Variants in ERC1 observed in about 807,000 individuals in gnomAD.
The protein encoded by ERC1 is RAB6 interacting protein 2.
In ERC1, 56 loss-of-function variants were observed where a neutral mutation model predicts 132.0. The observed-to-expected ratio is 0.42, with a 90% CI of 0.34 to 0.53. The LOEUF (loss-of-function observed/expected upper bound fraction) is 0.53. Ranked by LOEUF, ERC1 falls within the 20% of genes least tolerant of loss-of-function variation. The pLI is 0.03. For synonymous variants in ERC1, 478 were observed against 476.1 expected (o/e 1.00, Z -0.05); for missense variants, 1,202 against 1,349.9 (o/e 0.89, Z 1.72).
At chr12:1,143,576 G>A (rs1950059015) in intron 8 of ERC1, among the ~76,000 whole-genome samples, 1 of 148,606 alleles carries the variant, frequency 6.7e-6, no homozygotes, top group Non-Finnish European at 1.5e-5. Context: ...TTTTTCAGAA[G>A]TGCCCTAGCT....
intron 7 of ERC1, among the ~76,000 whole-genome samples, chr12:1,125,436 T>C (rs1011180308): frequency 5.3e-5 from 8 of 152,132 alleles, no homozygotes; most frequent in Non-Finnish European, 1.5e-5. Context: ...AGATACTCCA[T>C]GTCAATAGAT....
rs1426090976 is a variant in ERC1 at position 1,399,470 on chromosome 12, C to T, written c.2926-8679C>T. 3.3e-5 allele frequency among the ~76,000 whole-genome samples: 5 copies of T among 152,244 alleles called. No individual in the cohort carries two copies. The East Asian group carries it at 5.8e-4, about 18-fold the overall frequency. ...TTTTCTAGTATTATTTCAGTGTCAT[C>T]GCTTTTTATATATTAAATACATTTT... is the stretch of plus-strand genomic sequence containing the variant. On this transcript the variant is annotated intron_variant, in intron 16 of 18. Coordinates refer to ENST00000360905, the MANE Select transcript of ERC1 (RefSeq NM_178040.4).
At chr12:1,073,831 T>C (rs2154183646) in intron 2 of ERC1, among the ~76,000 whole-genome samples, 1 of 152,256 alleles carries the variant, frequency 6.6e-6, no homozygotes, top group African/African-American at 2.4e-5. Flanking sequence ...AGGCATGTGT[T>C]ACAACATTAT....
intron 16 of ERC1, chr12:1,381,065 G>A (rs1205076568): frequency 6.6e-6 from 1 of 152,180 alleles, no homozygotes; most frequent in Non-Finnish European, 1.5e-5. Flanking sequence ...CCAGGTGCCT[G>A]TTTTATGACT....
intron 2 of ERC1, among the ~76,000 whole-genome samples, chr12:1,037,762 C>T (rs779180749): frequency 3.3e-5 from 5 of 151,858 alleles, no homozygotes; most frequent in Admixed American, 6.6e-5. Flanking sequence ...AAGCTATATC[C>T]GGCCTGGCGC....
intron 1 of ERC1, among the ~76,000 whole-genome samples, chr12:1,021,767 C>T (rs916956431): frequency 2.0e-5 from 3 of 151,988 alleles, no homozygotes; most frequent in Admixed American, 2.0e-4. Context: ...AAACCCACTG[C>T]CTGTGTAGCA....
At chr12:1,242,126 C>T (rs955514219) in intron 13 of ERC1, among the ~76,000 whole-genome samples, 5 of 152,006 alleles carry the variant, frequency 3.3e-5, no homozygotes, top group East Asian at 1.9e-4. Flanking sequence ...GGATTATAGG[C>T]GTAAGCCCAG....
intron 18 of ERC1, among the ~76,000 whole-genome samples, chr12:1,467,873 G>A (rs926825450): frequency 6.6e-6 from 1 of 152,148 alleles, no homozygotes; most frequent in Admixed American, 6.6e-5. Context: ...TCACAATAGG[G>A]TTTGCGCTCA....
intron 12 of ERC1, among the ~76,000 whole-genome samples, chr12:1,199,220 G>T (rs1263378292): frequency 2.8e-5 from 4 of 142,478 alleles, no homozygotes; most frequent in Non-Finnish European, 4.6e-5. Context: ...TGAGAGTTGG[G>T]TGGGGACAAA....
rs150849616 is a variant in ERC1, at chr12:1,324,033, C to A, written c.2780+34021C>A. On this transcript the variant is annotated intron_variant, in intron 15 of 18. Transcript: ENST00000360905. Reference sequence around the variant, plus strand: ...ATTGGTCATTGGTCTTGTCTCCCTGCTAATTCATATCTTGATGTTCTTGAA... The same window carrying A: ...ATTGGTCATTGGTCTTGTCTCCCTGATAATTCATATCTTGATGTTCTTGAA... 2.6e-4 allele frequency among the ~76,000 whole-genome samples: 39 copies of A among 152,288 alleles called. 1 individual carries two copies. In the East Asian group the frequency reaches 7.5e-3, roughly 29 times the overall value.
intron 15 of ERC1, among the ~76,000 whole-genome samples, chr12:1,292,047 A>G (rs2079489295): frequency 6.6e-6 from 1 of 152,234 alleles, no homozygotes; most frequent in South Asian, 2.1e-4. Context: ...AATAACTGTA[A>G]TAAATTTTAA....
At chr12:1,239,365 A>C (rs1301051162) in intron 13 of ERC1, among the ~76,000 whole-genome samples, 1 of 152,130 alleles carries the variant, frequency 6.6e-6, no homozygotes, top group Non-Finnish European at 1.5e-5. Flanking sequence ...CCTATGGATC[A>C]TATTTAGAGA....
chr12:1,287,552 A>C (rs1273996130), intron 14 of ERC1, among the ~76,000 whole-genome samples: 1 of 152,172 alleles, frequency 6.6e-6, no homozygotes, highest in Non-Finnish European at 1.5e-5. Context: ...TGAGTAGAAC[A>C]AAACTCTGAT....
chr12:1,487,538 C>A (rs867263829), intron 18 of ERC1, among the ~76,000 whole-genome samples: 1 of 42,858 alleles, frequency 2.3e-5, no homozygotes, highest in Admixed American at 1.9e-4. Flanking sequence ...GACCGCACCT[C>A]TAAAAAAGAA....
intron 15 of ERC1, among the ~76,000 whole-genome samples, chr12:1,339,141 G>C (rs2083574507): frequency 6.6e-6 from 1 of 150,752 alleles, no homozygotes; most frequent in South Asian, 2.1e-4. Flanking sequence ...GGCAGAGGCA[G>C]CTCAGCTGGA....
intron 18 of ERC1, among the ~76,000 whole-genome samples, chr12:1,467,694 T>C (rs1018300031): frequency 2.6e-5 from 4 of 152,222 alleles, no homozygotes; most frequent in African/African-American, 9.7e-5. Flanking sequence ...CATTGTAATA[T>C]ATAATGAAAT....
intron 1 of ERC1, among the ~76,000 whole-genome samples, chr12:1,016,703 GGT>G (rs1491274022): frequency 1.5e-4 from 22 of 147,938 alleles, no homozygotes; most frequent in South Asian, 2.1e-4. Context: ...GGAGTGCAGT[GGT>G]GCGATCTCGA....
At chr12:1,147,452 T>A (rs567908470) in intron 8 of ERC1, among the ~76,000 whole-genome samples, 1 of 152,218 alleles carries the variant, frequency 6.6e-6, no homozygotes, top group Non-Finnish European at 1.5e-5. Flanking sequence ...CTTAATAGTT[T>A]CAAAACATTT....
chr12:1,334,241 A>AC (rs1268334020), intron 15 of ERC1, among the ~76,000 whole-genome samples: 3 of 152,154 alleles, frequency 2.0e-5, no homozygotes, highest in Non-Finnish European at 4.4e-5. Flanking sequence ...GTTTACATAG[A>AC]TCCTGTTCAT....
Sources: allele counts gnomAD v4.1 joint callset (sites outside exome capture counted in the v4.1 genomes callset), GRCh38; gene constraint gnomAD v4.1.1; transcripts MANE v1.5; gene names NCBI Gene and HGNC (gene_info 2026-07-23, HGNC 2026-07-21).